The following ANLN variants were observed in gnomAD, a reference collection of about 807,000 sequenced individuals.
ANLN encodes the protein anillin, actin binding protein, also known as anillin.
A neutral mutation model predicts 135.1 loss-of-function variants in ANLN; 59 were observed. That is an observed-to-expected ratio of 0.44 (90% CI 0.35 to 0.54). The LOEUF is 0.54. Ranked by LOEUF, ANLN falls within the 20% of genes least tolerant of loss-of-function variation. The pLI, the probability that ANLN is intolerant of heterozygous loss-of-function variation, is 0.00. For synonymous variants in ANLN, 406 were observed against 456.4 expected, an observed-to-expected ratio of 0.89 and a Z score of 1.41; for missense variants, 1,182 against 1,340.0, an observed-to-expected ratio of 0.88 and a Z score of 1.84.
At chr7:36,412,738 A>G (rs1787477077) in intron 7 of ANLN, among the ~76,000 whole-genome samples, 1 of 152,186 alleles carries the variant, frequency 6.6e-6, no homozygotes, top group African/African-American at 2.4e-5. Flanking sequence ...CTTGACATAT[A>G]GAATGATTCC....
chr7:36,417,297 A>G lies in ANLN; in HGVS notation c.1633+107A>G, dbSNP rs1787684501. 6 of 661,260 alleles carry G rather than the reference A, an allele frequency of 9.1e-6. No individual in the cohort carries two copies. The South Asian group carries it at 1.3e-4, about 15-fold the overall frequency. The allele number at this position is 661,260 out of a possible 1,614,324, so 41.0% of individuals were successfully genotyped here. On this transcript the variant is annotated intron_variant, in intron 9 of 23. Coordinates refer to ENST00000265748, the MANE Select transcript of ANLN (RefSeq NM_018685.5). ...GAGAGTATCTCTGCTTTTTAAATTA[A>G]ATCAGAATACACTGTAGCTTCTACC...
At position 36,426,963 on chromosome 7, in the gene ANLN, G is replaced by T. The variant is rs374276642; in HGVS notation, c.2818G>T (p.Ala940Ser). The part of the protein sequence containing the change: ...GLSAVRTSNF[A>S]LVGSYTLSLS... ...TAGTGCTGTGCGAACCAGCAACTTCGCCCTTGTTGGATCTTACACATTATC... is the reference window on the plus strand; with the variant it reads ...TAGTGCTGTGCGAACCAGCAACTTCTCCCTTGTTGGATCTTACACATTATC... Residue 940 changes from alanine (A) to serine (S), a missense_variant, in exon 20 of 24, where the codon GCC becomes TCC. Around this residue, in one of 3 missense-constraint regions of ANLN, gnomAD observed 1,022 missense variants for 1,134.0 expected, o/e 0.90. Coordinates refer to ENST00000265748, the MANE Select transcript of ANLN (RefSeq NM_018685.5). 1 of 1,613,216 alleles carries T rather than the reference G, an allele frequency of 6.2e-7. No individual in the cohort carries two copies. The highest frequency in any genetic ancestry group is 8.5e-7 in the Non-Finnish European group (1 of 1,179,806).
chr7:36,446,561 GGAGC>G (rs780009013), intron 22 of ANLN, among the ~76,000 whole-genome samples: 50 of 152,268 alleles, frequency 3.3e-4, no homozygotes, highest in Admixed American at 2.0e-3. Context: ...GGTAAAAGCA[GGAGC>G]GAGCGAGCGA....
Position 36,404,797 on chromosome 7 carries a change from A to G in ANLN, c.488-1384A>G, listed in dbSNP as rs7786236. 1.2e-3 allele frequency among the ~76,000 whole-genome samples: 190 copies of G among 152,326 alleles called. 1 individual carries two copies. Among genetic ancestry groups the G allele is most frequent in the Middle Eastern group, 6.8e-3 (2 of 294 alleles). ...AGTCGATCTGATAACCAAGACGGCT[A>G]TAAAGTGATTATGGGGCGGGTGGCA... On this transcript the variant is annotated intron_variant, in intron 3 of 23. Transcript: ENST00000265748.
intron 3 of ANLN, among the ~76,000 whole-genome samples, chr7:36,405,486 TC>T (rs1327875458): frequency 6.6e-6 from 1 of 152,198 alleles, no homozygotes; most frequent in African/African-American, 2.4e-5. Flanking sequence ...GATTCCTCTT[TC>T]CTTGATTGAA....
At chr7:36,416,355 A>G (rs1467890013) in intron 8 of ANLN, among the ~76,000 whole-genome samples, 1 of 152,156 alleles carries the variant, frequency 6.6e-6, no homozygotes, top group Non-Finnish European at 1.5e-5. Flanking sequence ...TGATCTGTGA[A>G]TAGAGATAAT....
chr7:36,452,405 C>T, intron 23 of ANLN, 72 bp from the exon 24 acceptor site: 4 of 1,569,678 alleles, frequency 2.5e-6, no homozygotes, highest in Non-Finnish European at 3.5e-6. Flanking sequence ...ATTTTTTTCC[C>T]TAGCAAGAGT....
Position 36,427,019 on chromosome 7 carries a change from TC to T in ANLN, c.2875del (p.Leu959TrpfsTer16). ...CTTCAGTAGGAAATACTAAGTTTGT[TC>T]TGGACAAGGTAATCCAACTTTATTT... ...LSSVGNTKFVLDKVPFLSSLE... is the reference protein window; with the variant it reads ...LSSVGNTKFVXDKVPFLSSLE... On this transcript the variant is annotated frameshift_variant, in exon 20 of 24. Coordinates refer to ENST00000265748, the MANE Select transcript of ANLN (RefSeq NM_018685.5). LOFTEE classifies it high-confidence loss of function. The T allele has an allele frequency of 6.2e-7, 1 of 1,602,574 alleles. No individual in the cohort carries two copies. The highest frequency in any genetic ancestry group is 8.5e-7 in the Non-Finnish European group (1 of 1,173,330).
chr7:36,443,972 T>C (rs1194763215), intron 22 of ANLN, 110 bp downstream of exon 22: 3 of 717,066 alleles, frequency 4.2e-6, no homozygotes, highest in African/African-American at 1.8e-5. Context: ...ATAACCCTTT[T>C]TGTGTACTCA....
chr7:36,395,966 A>T (rs1786677316), intron 1 of ANLN, among the ~76,000 whole-genome samples: 1 of 152,182 alleles, frequency 6.6e-6, no homozygotes, highest in Admixed American at 6.6e-5. Context: ...TCACAAGGCC[A>T]GCCCAGATTC....
chr7:36,402,322 A>T (rs1786985121), intron 3 of ANLN, among the ~76,000 whole-genome samples: 2 of 145,280 alleles, frequency 1.4e-5, no homozygotes, highest in South Asian at 4.3e-4. Flanking sequence ...CATGTTGGCC[A>T]GGCTGGTCTC....
Position 36,396,294 on chromosome 7 carries a change from G to A in ANLN, c.47G>A (p.Arg16Gln), listed in dbSNP as rs761270678. The change falls in exon 2 of 24, where the codon CGA becomes CAA. Residue 16 changes from arginine (R) to glutamine (Q), a missense_variant. Coordinates refer to ENST00000265748, the MANE Select transcript of ANLN (RefSeq NM_018685.5). ...EKLLERTRAR[R>Q]ENLQRKMAER... is the part of the protein sequence containing the mutation. ...CTGCTGGAGCGAACCCGTGCCAGGC[G>A]AGAGAATCTTCAGAGAAAAATGGCT... 14 of 1,606,400 alleles carry A rather than the reference G, an allele frequency of 8.7e-6. No individual in the cohort carries two copies. The highest frequency in any genetic ancestry group is 5.0e-5 in the Admixed American group (3 of 59,740).
chr7:36,434,804 T>G (rs58585758), intron 20 of ANLN, among the ~76,000 whole-genome samples: 3,864 of 152,264 alleles, frequency 0.025, 251 homozygotes, highest in East Asian at 0.22. Context: ...AGGCGGAGGT[T>G]GCAGTGAGCC....
At chr7:36,432,038 A>C (rs1380142098) in intron 20 of ANLN, among the ~76,000 whole-genome samples, 1 of 152,128 alleles carries the variant, frequency 6.6e-6, no homozygotes, top group African/African-American at 2.4e-5. Context: ...ATAGATGATG[A>C]AAACAGTTTT....
At chr7:36,442,323 C>T (rs553052768) in intron 21 of ANLN, among the ~76,000 whole-genome samples, 7 of 152,156 alleles carry the variant, frequency 4.6e-5, no homozygotes, top group Non-Finnish European at 8.8e-5. Flanking sequence ...TAAAATCAAA[C>T]GCAAAGATGC....
intron 7 of ANLN, among the ~76,000 whole-genome samples, chr7:36,413,195 A>G (rs943357197): frequency 6.6e-6 from 1 of 152,058 alleles, no homozygotes; most frequent in African/African-American, 2.4e-5. Context: ...GAAAAAAAAA[A>G]CAACTCTTGC....
intron 7 of ANLN, 147 bp downstream of exon 7, chr7:36,411,313 T>TG (rs1370732294): frequency 2.6e-4 from 153 of 587,602 alleles, no homozygotes; most frequent in Non-Finnish European, 2.9e-4. Context: ...CTTAAATGTG[T>TG]GTACCAACTC....
chr7:36,450,253 T>C (rs80033801), intron 23 of ANLN, among the ~76,000 whole-genome samples: 7,814 of 152,254 alleles, frequency 0.051, 312 homozygotes, highest in Non-Finnish European at 0.08. Context: ...TCTGCAAATT[T>C]CTGGATGGAG....
Position 36,420,156 on chromosome 7 carries a change from C to T in ANLN, c.1870-13C>T, listed in dbSNP as rs112581866. 14 of 1,608,086 alleles carry T rather than the reference C, an allele frequency of 8.7e-6. No homozygotes were observed. The East Asian group carries it at 8.9e-5, about 10-fold the overall frequency. On this transcript the variant is annotated splice_polypyrimidine_tract_variant and intron_variant, in intron 10 of 23. Coordinates refer to ENST00000265748, the MANE Select transcript of ANLN (RefSeq NM_018685.5). ...TTAGGATCAATGTTAATATCTGATG[C>T]GTTTTCCCACAGAGTTTAGTGTCCA...
Sources: gnomAD v4.1 joint callset for allele counts (sites outside exome capture counted in the v4.1 genomes callset) on GRCh38, gnomAD v4.1.1 for gene constraint, gnomAD v4.1.1 regional missense constraint, MANE v1.5 for transcripts, NCBI Gene and HGNC (gene_info 2026-07-23, HGNC 2026-07-21) for gene names.